The following PPP2R5E variants were observed in gnomAD, a reference collection of about 807,000 sequenced individuals.
PPP2R5E encodes the protein serine/threonine-protein phosphatase 2A 56 kDa regulatory subunit epsilon isoform.
PPP2R5E carries 4 observed loss-of-function variants against 65.3 expected under a neutral mutation model. The observed-to-expected ratio is 0.06, with a 90% CI of 0.03 to 0.14. PPP2R5E has a LOEUF of 0.14. Ranked by LOEUF, PPP2R5E falls within the 10% of genes least tolerant of loss-of-function variation. The pLI is 1.00. For missense variants in PPP2R5E, 274 were observed against 556.1 expected (o/e 0.49, Z 5.10); for synonymous variants, 183 against 187.4 (o/e 0.98, Z 0.19).
At chr14:63,457,580 C>T (rs1156783592) in intron 2 of PPP2R5E, among the ~76,000 whole-genome samples, 1 of 152,138 alleles carries the variant, frequency 6.6e-6, no homozygotes, top group African/African-American at 2.4e-5. Flanking sequence ...CTTAGAATCC[C>T]AAAGCAGACC....
At chr14:63,405,981 C>T (rs866478825) in intron 5 of PPP2R5E, among the ~76,000 whole-genome samples, 1 of 151,972 alleles carries the variant, frequency 6.6e-6, no homozygotes, top group Admixed American at 6.6e-5. Context: ...AGTGAGTACA[C>T]AAAAAATGCT....
At chr14:63,513,846 T>C (rs1594958818) in intron 2 of PPP2R5E, among the ~76,000 whole-genome samples, 1 of 152,268 alleles carries the variant, frequency 6.6e-6, no homozygotes, top group East Asian at 1.9e-4. Context: ...TGAATCCCTA[T>C]AAGGCAAGAG....
chr14:63,396,173 G>A (rs1281440681), intron 6 of PPP2R5E, among the ~76,000 whole-genome samples: 10 of 80,810 alleles, frequency 1.2e-4, no homozygotes, highest in Non-Finnish European at 2.5e-4. Context: ...GGATAGAGGA[G>A]GAGGAGGAGA....
chr14:63,519,899 A>G (rs897689893), intron 2 of PPP2R5E, among the ~76,000 whole-genome samples: 1 of 151,744 alleles, frequency 6.6e-6, no homozygotes, highest in Non-Finnish European at 1.5e-5. Flanking sequence ...TGACCTCGTG[A>G]TCCGCCCGCC....
At chr14:63,519,464 C>G (rs575377989) in intron 2 of PPP2R5E, among the ~76,000 whole-genome samples, 65 of 151,514 alleles carry the variant, frequency 4.3e-4, no homozygotes, top group Non-Finnish European at 1.6e-4. Context: ...GATTCTCCCC[C>G]CGAGTAGCTG....
chr14:63,463,702 T>C (rs1889623629), intron 2 of PPP2R5E, among the ~76,000 whole-genome samples: 1 of 151,662 alleles, frequency 6.6e-6, no homozygotes, highest in Non-Finnish European at 1.5e-5. Flanking sequence ...GTTCATGCCA[T>C]TCTCCTGCCT....
chr14:63,384,332 C>CT, intron 12 of PPP2R5E, 112 bp downstream of exon 12: 2 of 1,289,380 alleles, frequency 1.6e-6, no homozygotes, highest in Admixed American at 4.2e-5. Context: ...AGGATTTTAT[C>CT]TTTTCACATA....
intron 3 of PPP2R5E, among the ~76,000 whole-genome samples, chr14:63,433,037 T>G (rs111923632): frequency 0.028 from 3,331 of 121,064 alleles, 29 homozygotes; most frequent in Non-Finnish European, 0.041. Flanking sequence ...GTTTTGTTTT[T>G]TTTTTTTTTT....
chr14:63,405,785 T>C (rs777822414), intron 5 of PPP2R5E, among the ~76,000 whole-genome samples: 3 of 152,186 alleles, frequency 2.0e-5, no homozygotes, highest in Non-Finnish European at 4.4e-5. Context: ...AGATGAAAAT[T>C]ATCTTTATTA....
chr14:63,478,693 A>G (rs1890535639), intron 2 of PPP2R5E, among the ~76,000 whole-genome samples: 1 of 152,158 alleles, frequency 6.6e-6, no homozygotes, highest in Admixed American at 6.5e-5. Context: ...GGGATCCCCA[A>G]AGCATGCTCT....
intron 3 of PPP2R5E, among the ~76,000 whole-genome samples, chr14:63,442,264 C>T (rs770857543): frequency 6.6e-5 from 10 of 152,066 alleles, no homozygotes; most frequent in East Asian, 1.9e-4. Context: ...TCTTCTTTTA[C>T]GCTTATCCTA....
intron 5 of PPP2R5E, among the ~76,000 whole-genome samples, chr14:63,396,947 T>C (rs2139803264): frequency 6.6e-6 from 1 of 152,254 alleles, no homozygotes; most frequent in South Asian, 2.1e-4. Flanking sequence ...AGTAATAATA[T>C]GAATAATAGC....
intron 2 of PPP2R5E, among the ~76,000 whole-genome samples, chr14:63,500,805 G>A (rs559437053): frequency 3.3e-5 from 5 of 152,060 alleles, no homozygotes; most frequent in Non-Finnish European, 7.4e-5. Context: ...TTTTAAGGTG[G>A]CAGCAAGCTA....
chr14:63,523,450 A>T (rs1893052274), intron 2 of PPP2R5E, among the ~76,000 whole-genome samples: 3 of 151,312 alleles, frequency 2.0e-5, no homozygotes, highest in Non-Finnish European at 4.4e-5. Flanking sequence ...GTGTCCACTC[A>T]AGGTTAAATG....
intron 2 of PPP2R5E, among the ~76,000 whole-genome samples, chr14:63,464,238 T>A (rs1430153459): frequency 6.6e-6 from 1 of 152,006 alleles, no homozygotes; most frequent in Non-Finnish European, 1.5e-5. Flanking sequence ...AAGAGACAAA[T>A]AATAGAAACT....
chr14:63,465,450 C>CAAA (rs1171345415), intron 2 of PPP2R5E, among the ~76,000 whole-genome samples: 492 of 40,876 alleles, frequency 0.012, no homozygotes, highest in Non-Finnish European at 0.019. Flanking sequence ...TCCACCTCTA[C>CAAA]AAAAAAAAAA....
At chr14:63,386,817 G>A (rs7147454) in intron 11 of PPP2R5E, among the ~76,000 whole-genome samples, 22,915 of 151,780 alleles carry the variant, frequency 0.15, 2,428 homozygotes, top group East Asian at 0.48. Context: ...CCAGCTACTC[G>A]GGAGGCTGAG....
chr14:63,415,096 G>T, intron 5 of PPP2R5E, 44 bp downstream of exon 5: 1 of 1,393,222 alleles, frequency 7.2e-7, no homozygotes, highest in Non-Finnish European at 1.0e-6. Flanking sequence ...GAGATAAAGT[G>T]TTAACTGGAT....
At chr14:63,382,557 A>G (rs947758601) in intron 12 of PPP2R5E, among the ~76,000 whole-genome samples, 1 of 152,164 alleles carries the variant, frequency 6.6e-6, no homozygotes, top group African/African-American at 2.4e-5. Context: ...GCGAGCCACC[A>G]CACCTGGCTA....
Sources: gnomAD v4.1 joint callset for allele counts (sites outside exome capture counted in the v4.1 genomes callset) on GRCh38, gnomAD v4.1.1 for gene constraint, MANE v1.5 for transcripts, NCBI Gene and HGNC (gene_info 2026-07-23, HGNC 2026-07-21) for gene names.